Variants in DIAPH2 observed in about 807,000 individuals in gnomAD.
DIAPH2 encodes protein diaphanous homolog 2.
Under a neutral mutation model 92.7 loss-of-function variants are expected in DIAPH2, and 35 were observed. The ratio of observed to expected loss-of-function variants is 0.38; its 90% CI spans 0.29 to 0.50. DIAPH2 has a LOEUF of 0.50. Among genes scored for constraint, DIAPH2 ranks in the 20% least tolerant of loss-of-function variants. The probability of loss-of-function intolerance (pLI) is 0.94; values close to 1 mark genes in which losing one functional copy is unlikely to be tolerated. For synonymous variants in DIAPH2, 301 were observed against 280.4 expected (o/e 1.07, Z -0.73); for missense variants, 701 against 819.5 (o/e 0.86, Z 1.77).
chrX:97,546,116 G>T (rs1036674321), intron 26 of DIAPH2, among the ~76,000 whole-genome samples: 6 of 110,709 alleles, frequency 5.4e-5, no homozygotes, highest in Non-Finnish European at 1.1e-4. Context: ...AAATTGATTT[G>T]CATGAGGTTT....
chrX:96,751,553 G>A (rs752393397), intron 3 of DIAPH2, among the ~76,000 whole-genome samples: 1 of 101,384 alleles, frequency 9.9e-6, no homozygotes, highest in Non-Finnish European at 2.0e-5. Flanking sequence ...TCCAGCCTGG[G>A]TGGAAGAGCG....
intron 23 of DIAPH2, among the ~76,000 whole-genome samples, chrX:97,302,605 C>T (rs2068716585): frequency 9.0e-6 from 1 of 111,671 alleles, no homozygotes; most frequent in African/African-American, 3.3e-5. Flanking sequence ...GGCAGTGTAA[C>T]TGGGTGAGAA....
In DIAPH2 at chrX:97,561,322, T is replaced by A. The variant is rs763486087; in HGVS notation, c.3242-37931T>A. Reference sequence around the variant, plus strand: ...AGAGATAATTTCTCTTCCTTTAATGTCTGTGAATTATCATCCACTGTGATG... The same window carrying A: ...AGAGATAATTTCTCTTCCTTTAATGACTGTGAATTATCATCCACTGTGATG... On this transcript the variant is annotated intron_variant, in intron 26 of 26. Transcript: ENST00000324765. Among the ~76,000 whole-genome samples, 12 of 112,532 alleles carry A rather than the reference T, an allele frequency of 1.1e-4. No individual in the cohort carries two copies. The East Asian group carries it at 3.3e-3, about 31-fold the overall frequency.
At chrX:96,980,605 C>T (rs967001015) in intron 17 of DIAPH2, among the ~76,000 whole-genome samples, 8 of 110,558 alleles carry the variant, frequency 7.2e-5, no homozygotes, top group African/African-American at 2.6e-4. Flanking sequence ...AGGGACCCTG[C>T]CCTTTTCTGC....
At chrX:96,992,209 A>G (rs1011042270) in intron 17 of DIAPH2, among the ~76,000 whole-genome samples, 1 of 111,442 alleles carries the variant, frequency 9.0e-6, no homozygotes, top group Admixed American at 9.5e-5. Flanking sequence ...TAATATGATG[A>G]TTATAGAGGA....
intron 22 of DIAPH2, among the ~76,000 whole-genome samples, chrX:97,213,296 A>G (rs2067856070): frequency 8.9e-6 from 1 of 111,898 alleles, no homozygotes; most frequent in African/African-American, 3.2e-5. Context: ...TCTCCAAACC[A>G]GAGGAGGAAA....
At chrX:96,825,361 T>TCC (rs2064808716) in intron 4 of DIAPH2, among the ~76,000 whole-genome samples, 1 of 107,943 alleles carries the variant, frequency 9.3e-6, no homozygotes, top group Non-Finnish European at 1.9e-5. Flanking sequence ...TTTCTTTTTT[T>TCC]TTTTTTTTTT....
intron 1 of DIAPH2, among the ~76,000 whole-genome samples, chrX:96,696,845 A>G (rs2063828129): frequency 8.9e-6 from 1 of 112,134 alleles, no homozygotes; most frequent in Non-Finnish European, 1.9e-5. Context: ...TTACTTACCT[A>G]CCTGTTAACT....
intron 4 of DIAPH2, among the ~76,000 whole-genome samples, chrX:96,868,701 G>A (rs894149305): frequency 2.7e-5 from 3 of 111,398 alleles, no homozygotes; most frequent in African/African-American, 9.8e-5. Context: ...AGCTCTGCTG[G>A]GATGGTGAGG....
At chrX:97,592,780 G>A (rs1035183980) in intron 26 of DIAPH2, among the ~76,000 whole-genome samples, 17 of 111,762 alleles carry the variant, frequency 1.5e-4, no homozygotes, top group Non-Finnish European at 2.8e-4. Context: ...ACAGTTAATG[G>A]GAGTCGTGTG....
rs185476098 is a variant in DIAPH2, at chrX:97,366,571, C to T, written c.3010-17338C>T. Among the ~76,000 whole-genome samples the T allele has an allele frequency of 7.4e-4, 83 of 111,797 alleles. No homozygotes were observed. The Middle Eastern group carries it at 0.014, about 19-fold the overall frequency. ...GATTTACTGTTCACTTATGATTGAC[C>T]GTGACCATTTACATCTTCATTATTT... On this transcript the variant is annotated intron_variant, in intron 24 of 26. Coordinates refer to ENST00000324765, the MANE Select transcript of DIAPH2 (RefSeq NM_006729.5).
intron 26 of DIAPH2, among the ~76,000 whole-genome samples, chrX:97,471,708 A>T (rs974120698): frequency 1.8e-5 from 2 of 108,594 alleles, no homozygotes; most frequent in African/African-American, 6.7e-5. Flanking sequence ...AAAAAAAAAA[A>T]AAAAGGAAAG....
chrX:97,134,911 C>T (rs2067160176), intron 21 of DIAPH2, among the ~76,000 whole-genome samples: 1 of 111,304 alleles, frequency 9.0e-6, no homozygotes, highest in African/African-American at 3.3e-5. Flanking sequence ...TTCTGACTAC[C>T]CATTCCTTTT....
intron 4 of DIAPH2, among the ~76,000 whole-genome samples, chrX:96,837,433 C>CTCTGTGTGTG (rs1189132418): frequency 9.0e-4 from 37 of 41,334 alleles, no homozygotes; most frequent in Admixed American, 1.6e-3. Flanking sequence ...CTCTCTCTCT[C>CTCTGTGTGTG]TGTGTGTGTG....
chrX:96,757,542 G>A (rs1224533496), intron 3 of DIAPH2, among the ~76,000 whole-genome samples: 1 of 112,219 alleles, frequency 8.9e-6, no homozygotes, highest in Non-Finnish European at 1.9e-5. Context: ...CAAAATAAAG[G>A]TAGATTTCCA....
chrX:97,270,718 A>G (rs1398895257), intron 23 of DIAPH2, among the ~76,000 whole-genome samples: 1 of 111,320 alleles, frequency 9.0e-6, no homozygotes, highest in Non-Finnish European at 1.9e-5. Flanking sequence ...GCCAAGATCT[A>G]CTTTTCCTGG....
chrX:97,515,196 G>C (rs1270140182), intron 26 of DIAPH2, among the ~76,000 whole-genome samples: 48 of 112,428 alleles, frequency 4.3e-4, no homozygotes, highest in Non-Finnish European at 7.7e-4. Flanking sequence ...AGCCAGGTGC[G>C]GGATATAATC....
At chrX:96,842,404 T>C (rs1036935811) in intron 4 of DIAPH2, among the ~76,000 whole-genome samples, 2 of 112,140 alleles carry the variant, frequency 1.8e-5, no homozygotes, top group Non-Finnish European at 1.9e-5. Flanking sequence ...CTAGACATCA[T>C]GCTAGGTATG....
At chrX:96,814,005 G>C (rs768329443) in intron 4 of DIAPH2, among the ~76,000 whole-genome samples, 14 of 110,452 alleles carry the variant, frequency 1.3e-4, no homozygotes, top group Non-Finnish European at 2.1e-4. Context: ...ATGTGTCTTG[G>C]GGTTGCTCTT....
Sources: allele counts gnomAD v4.1 joint callset (sites outside exome capture counted in the v4.1 genomes callset), GRCh38; gene constraint gnomAD v4.1.1; transcripts MANE v1.5; gene names NCBI Gene and HGNC (gene_info 2026-07-23, HGNC 2026-07-21).